The following ATF7 variants were observed in gnomAD, a reference collection of about 807,000 sequenced individuals.
The protein encoded by ATF7 is cyclic AMP-dependent transcription factor ATF-7.
Under a neutral mutation model 50.4 loss-of-function variants are expected in ATF7, and 10 were observed. The observed-to-expected ratio is 0.20, with a 90% CI of 0.12 to 0.34. The LOEUF (loss-of-function observed/expected upper bound fraction) is 0.34, where lower values mean the gene tolerates loss of function less well. Ranked by LOEUF, ATF7 falls within the 10% of genes least tolerant of loss-of-function variation. ATF7 has a pLI of 1.00. For missense variants in ATF7, 465 were observed against 613.9 expected (o/e 0.76, Z 2.56); for synonymous variants, 201 against 226.4 (o/e 0.89, Z 1.01).
chr12:53,550,756 TA>T (rs2137495524), intron 3 of ATF7, among the ~76,000 whole-genome samples: 1 of 152,324 alleles, frequency 6.6e-6, no homozygotes, highest in South Asian at 2.1e-4. Context: ...CACCAGGTCT[TA>T]ACTGGAGATG....
chr12:53,620,571 G>A (rs1373368003), intron 1 of ATF7, among the ~76,000 whole-genome samples: 4 of 100,786 alleles, frequency 4.0e-5, no homozygotes, highest in African/African-American at 7.9e-5. Context: ...GCGAGACTCC[G>A]TCTCAAAAAA....
chr12:53,620,508 G>A (rs1178320793), intron 1 of ATF7, among the ~76,000 whole-genome samples: 2 of 147,958 alleles, frequency 1.4e-5, no homozygotes, highest in East Asian at 2.0e-4. Context: ...CCCGGGAGGC[G>A]GAGCTTGCAG....
intron 2 of ATF7, among the ~76,000 whole-genome samples, chr12:53,584,927 T>G (rs1349963339): frequency 6.6e-6 from 1 of 152,140 alleles, no homozygotes; most frequent in Non-Finnish European, 1.5e-5. Flanking sequence ...AGAGGATATT[T>G]AGGACAGTGA....
Position 53,524,779 on chromosome 12 carries a change from A to T in ATF7, c.928-18T>A. 6.4e-7 allele frequency: 1 copy of T among 1,570,078 alleles called. No individual in the cohort carries two copies. Among genetic ancestry groups the T allele is most frequent in the Non-Finnish European group, 8.6e-7 (1 of 1,157,376 alleles). ...GGTGAGACCTGGTGCCCAGGAAGGA[A>T]GAGAGGTTACTTGATGGGAACATTA... is the stretch of plus-strand genomic sequence containing the variant. On this transcript the variant is annotated intron_variant, in intron 9 of 11. Coordinates refer to ENST00000420353, the MANE Select transcript of ATF7 (RefSeq NM_006856.3). The surrounding 1 kb of genome is among the most constrained non-coding windows in gnomAD (Gnocchi z 4.6).
At chr12:53,579,291 T>C (rs1386021286) in intron 2 of ATF7, among the ~76,000 whole-genome samples, 1 of 149,444 alleles carries the variant, frequency 6.7e-6, no homozygotes, top group Non-Finnish European at 1.5e-5. Context: ...TCCCAGCACT[T>C]TGGGAGGCCA....
chr12:53,548,301 C>T (rs1163055841), intron 3 of ATF7, among the ~76,000 whole-genome samples: 1 of 151,994 alleles, frequency 6.6e-6, no homozygotes, highest in African/African-American at 2.4e-5. Context: ...GCCACTGTGT[C>T]GCTAGGCCCC....
chr12:53,564,244 G>C (rs761035689), intron 2 of ATF7, among the ~76,000 whole-genome samples: 6 of 152,188 alleles, frequency 3.9e-5, no homozygotes, highest in Non-Finnish European at 5.9e-5. Context: ...ACATGGTGGT[G>C]CATGCCTGAT....
In ATF7 at chr12:53,549,286, C is replaced by CA. The variant is rs1266408716; in HGVS notation, c.145+3254dup. ...TGGGCGACAGAACGAGACTCCGTCTCAAAAAAAAAAAAGAAAGAAAAAAAT... is the reference window on the plus strand; with the variant it reads ...TGGGCGACAGAACGAGACTCCGTCTCAAAAAAAAAAAAAGAAAGAAAAAAAT... On this transcript the variant is annotated intron_variant, in intron 3 of 11. Transcript: ENST00000420353. Among the ~76,000 whole-genome samples, 173 of 46,856 alleles carry CA rather than the reference C, an allele frequency of 3.7e-3. 1 individual carries two copies. The South Asian group carries it at 0.04, about 11-fold the overall frequency. The allele number at this position is 46,856 out of a possible 152,430, so 30.7% of individuals were successfully genotyped here.
At chr12:53,574,179 CACA>C (rs1337611331) in intron 2 of ATF7, among the ~76,000 whole-genome samples, 2 of 152,050 alleles carry the variant, frequency 1.3e-5, no homozygotes, top group East Asian at 3.9e-4. Flanking sequence ...CTATGATTAA[CACA>C]ACAACATGTA....
downstream of ATF7, among the ~76,000 whole-genome samples, chr12:53,511,762 A>AC (rs1018858684): frequency 3.9e-5 from 6 of 152,208 alleles, no homozygotes; most frequent in African/African-American, 1.4e-4. Context: ...CACATAAAGC[A>AC]CATACTAAGT....
At chr12:53,587,413 C>T (rs966314195) in intron 2 of ATF7, among the ~76,000 whole-genome samples, 1 of 142,746 alleles carries the variant, frequency 7.0e-6, no homozygotes, top group African/African-American at 2.5e-5. Flanking sequence ...GCCTGTAATC[C>T]CAGCACTTTG....
chr12:53,592,093 G>C (rs538453189), intron 2 of ATF7, among the ~76,000 whole-genome samples: 1 of 152,324 alleles, frequency 6.6e-6, no homozygotes, highest in South Asian at 2.1e-4. Flanking sequence ...AGCAGAAGTT[G>C]GTTCGGCACT....
intron 1 of ATF7, among the ~76,000 whole-genome samples, chr12:53,601,582 T>TA (rs1592966720): frequency 6.6e-6 from 1 of 151,948 alleles, no homozygotes; most frequent in East Asian, 1.9e-4. Flanking sequence ...CTTTCATTAA[T>TA]AAAAAAATAA....
intron 1 of ATF7, among the ~76,000 whole-genome samples, chr12:53,611,477 T>C (rs1943878502): frequency 6.8e-6 from 1 of 146,402 alleles, no homozygotes; most frequent in Non-Finnish European, 1.5e-5. Context: ...ACAAACAAAA[T>C]TCTTAATCCA....
chr12:53,521,465 G>C (rs1938124594), intron 11 of ATF7, among the ~76,000 whole-genome samples: 1 of 152,196 alleles, frequency 6.6e-6, no homozygotes, highest in East Asian at 1.9e-4. Flanking sequence ...GATGTTCCTA[G>C]ATGTACCAGG....
At chr12:53,543,028 C>T (rs1334082731) in intron 4 of ATF7, 1 of 1,247,856 alleles carries the variant, frequency 8.0e-7, no homozygotes, top group Non-Finnish European at 1.0e-6. Context: ...CACCTTTTAA[C>T]ATCTTCAACA....
intron 11 of ATF7, among the ~76,000 whole-genome samples, chr12:53,519,961 T>C (rs531992303): frequency 6.6e-6 from 1 of 152,272 alleles, no homozygotes; most frequent in Admixed American, 6.5e-5. Context: ...TTAGCCAGGA[T>C]GGTCTCGATC....
intron 2 of ATF7, among the ~76,000 whole-genome samples, chr12:53,576,476 T>C (rs532153939): frequency 5.1e-4 from 78 of 152,312 alleles, no homozygotes; most frequent in African/African-American, 1.4e-3. Context: ...ATGAATGGCA[T>C]TAGGTACCCT....
chr12:53,555,037 A>T (rs1328372310), intron 2 of ATF7, among the ~76,000 whole-genome samples: 1 of 152,058 alleles, frequency 6.6e-6, no homozygotes, highest in South Asian at 2.1e-4. Context: ...GTAAGAAAAA[A>T]GTGGCCGGGA....
Sources: allele counts gnomAD v4.1 joint callset (sites outside exome capture counted in the v4.1 genomes callset), GRCh38; gene constraint gnomAD v4.1.1; non-coding constraint Gnocchi (gnomAD v3.1); transcripts MANE v1.5; gene names NCBI Gene and HGNC (gene_info 2026-07-23, HGNC 2026-07-21).